CPXM2: variants seen among roughly 807,000 people sequenced by gnomAD.
CPXM2 encodes the protein inactive carboxypeptidase-like protein X2.
CPXM2 carries 66 observed loss-of-function variants against 86.1 expected under a neutral mutation model. That is an observed-to-expected ratio of 0.77 (90% CI 0.63 to 0.94). CPXM2 has a LOEUF of 0.94. Ranked by LOEUF, CPXM2 falls within the 40% of genes least tolerant of loss-of-function variation. The pLI, the probability that CPXM2 is intolerant of heterozygous loss-of-function variation, is 0.00. For missense variants in CPXM2, 948 were observed against 1,026.3 expected, an observed-to-expected ratio of 0.92 and a Z score of 1.04; for synonymous variants, 388 against 400.2, an observed-to-expected ratio of 0.97 and a Z score of 0.36.
At chr10:123,841,919 C>A (rs1848395482) in intron 4 of CPXM2, among the ~76,000 whole-genome samples, 1 of 152,206 alleles carries the variant, frequency 6.6e-6, no homozygotes, top group Non-Finnish European at 1.5e-5. Flanking sequence ...ATTTAGGAAC[C>A]TAGATTTCCA....
chr10:123,881,687 G>A (rs140811699), intron 1 of CPXM2, among the ~76,000 whole-genome samples: 110 of 152,350 alleles, frequency 7.2e-4, no homozygotes, highest in African/African-American at 2.5e-3. Context: ...GGAAGCAGGT[G>A]TGAGCTGCCT....
chr10:123,810,933 G>GT (rs1267300658), intron 4 of CPXM2, among the ~76,000 whole-genome samples: 1 of 152,052 alleles, frequency 6.6e-6, no homozygotes, highest in East Asian at 1.9e-4. Flanking sequence ...TGATAATGGT[G>GT]TATGAATAGA....
At chr10:123,926,598 CG>C (rs1398275227) in intron 2 of CPXM2, among the ~76,000 whole-genome samples, 4 of 152,340 alleles carry the variant, frequency 2.6e-5, no homozygotes, top group Admixed American at 2.0e-4. Flanking sequence ...CCACGCAAAA[CG>C]GTTTAGCTTT....
chr10:123,773,912 G>A (rs572683711), intron 7 of CPXM2, among the ~76,000 whole-genome samples: 3 of 152,312 alleles, frequency 2.0e-5, no homozygotes, highest in South Asian at 2.1e-4. Context: ...CTACCCTAAA[G>A]GTCAAAGGCC....
At chr10:123,850,973 T>G (rs1422424963) in intron 3 of CPXM2, among the ~76,000 whole-genome samples, 1 of 152,234 alleles carries the variant, frequency 6.6e-6, no homozygotes, top group African/African-American at 2.4e-5. Flanking sequence ...CAGCATTTTA[T>G]GAACGCTTCC....
chr10:123,760,472 G>C (rs891808042), intron 11 of CPXM2, among the ~76,000 whole-genome samples: 1 of 152,120 alleles, frequency 6.6e-6, no homozygotes, highest in Non-Finnish European at 1.5e-5. Context: ...TTCTGTACAT[G>C]TTTTAAAATG....
intron 4 of CPXM2, among the ~76,000 whole-genome samples, chr10:123,829,887 G>A (rs544096090): frequency 2.1e-4 from 32 of 151,658 alleles, no homozygotes; most frequent in Non-Finnish European, 4.6e-4. Context: ...TCCTGGGGGT[G>A]GCATTTCGGT....
chr10:123,751,230 C>A (rs896342083), intron 13 of CPXM2: 1 of 222,560 alleles, frequency 4.5e-6, no homozygotes. Flanking sequence ...TTATTTAGTA[C>A]AGATTTAATG....
intron 13 of CPXM2, chr10:123,750,620 C>A: frequency 2.1e-6 from 2 of 962,484 alleles, no homozygotes; most frequent in Non-Finnish European, 2.5e-6. Flanking sequence ...GTCTCCTTCA[C>A]TAGAATGTGT....
chr10:123,801,408 G>C (rs895245991), intron 4 of CPXM2, among the ~76,000 whole-genome samples: 1 of 151,940 alleles, frequency 6.6e-6, no homozygotes, highest in African/African-American at 2.4e-5. Flanking sequence ...ACCTAGTCTC[G>C]GGTATTTCTC....
intron 7 of CPXM2, chr10:123,776,677 C>T (rs1846798446): frequency 6.6e-6 from 1 of 152,172 alleles, no homozygotes; most frequent in Non-Finnish European, 1.5e-5. Flanking sequence ...TGGAAAATGG[C>T]TAATGATCCA....
chr10:123,842,213 T>C, intron 4 of CPXM2, 136 bp downstream of exon 4: 2 of 1,174,896 alleles, frequency 1.7e-6, no homozygotes, highest in South Asian at 1.5e-5. Context: ...CAGCCTCCTG[T>C]TCATATTCCA....
At chr10:123,802,433 G>A (rs1053017289) in intron 4 of CPXM2, among the ~76,000 whole-genome samples, 2 of 152,158 alleles carry the variant, frequency 1.3e-5, no homozygotes, top group Non-Finnish European at 2.9e-5. Context: ...TTTTGTTTCA[G>A]ACCTAGTTTC....
intron 6 of CPXM2, among the ~76,000 whole-genome samples, chr10:123,783,115 GC>G (rs1204471645): frequency 1.3e-5 from 2 of 152,220 alleles, no homozygotes; most frequent in African/African-American, 4.8e-5. Context: ...TCCGGGAATT[GC>G]CCACCTCTTT....
intron 7 of CPXM2, among the ~76,000 whole-genome samples, chr10:123,773,053 G>GTTGTGGTTATCACTTCCCTGA (rs1241543631): frequency 6.6e-6 from 1 of 151,320 alleles, no homozygotes; most frequent in African/African-American, 2.4e-5. Context: ...CATTCCCCTG[G>GTTGTGGTTATCACTTCCCTGA]TTGTGGTTAT....
intron 3 of CPXM2, among the ~76,000 whole-genome samples, chr10:123,862,234 C>T (rs1590077346): frequency 6.6e-6 from 1 of 152,208 alleles, no homozygotes; most frequent in East Asian, 1.9e-4. Flanking sequence ...GAAGCACTGG[C>T]AGGGAGGCAA....
At chr10:123,843,345 A>T in intron 3 of CPXM2, 2 of 440,082 alleles carry the variant, frequency 4.5e-6, no homozygotes, top group South Asian at 3.3e-5. Flanking sequence ...TAATTCCCTG[A>T]CTCCTCGCCT....
chr10:123,853,635 C>T (rs1049653466), intron 3 of CPXM2, among the ~76,000 whole-genome samples: 2 of 152,130 alleles, frequency 1.3e-5, no homozygotes, highest in African/African-American at 4.8e-5. Context: ...CCAGGTGTGG[C>T]GGCTCATGCC....
In CPXM2 at chr10:123,780,340, G is replaced by A. The variant is rs967667293; in HGVS notation, c.890-85C>T. 43 of 900,532 alleles carry A rather than the reference G, an allele frequency of 4.8e-5. 1 individual carries two copies. Among genetic ancestry groups the A allele is most frequent in the African/African-American group, 3.8e-4 (23 of 61,100 alleles). 55.8% of individuals were successfully genotyped at this position (900,532 alleles called of 1,614,324 possible). ...TGTTAGAGACACATGGGGACTGCAC[G>A]GACAGTGCAGCCCAATCTCTAGCTT... is the stretch of plus-strand genomic sequence containing the variant. On this transcript the variant is annotated intron_variant, in intron 6 of 13. Coordinates refer to ENST00000241305, the MANE Select transcript of CPXM2 (RefSeq NM_198148.3).
Sources: allele counts gnomAD v4.1 joint callset (sites outside exome capture counted in the v4.1 genomes callset), GRCh38; gene constraint gnomAD v4.1.1; transcripts MANE v1.5; gene names NCBI Gene and HGNC (gene_info 2026-07-23, HGNC 2026-07-21).